The following CTNNA2 variants were observed in gnomAD, a reference collection of about 807,000 sequenced individuals.
CTNNA2 encodes the protein catenin alpha-2.
A neutral mutation model predicts 101.0 loss-of-function variants in CTNNA2; 42 were observed. The observed-to-expected ratio is 0.42, with a 90% confidence interval of 0.32 to 0.54. The LOEUF is 0.54. CTNNA2 is among the 20% of genes least tolerant of loss of function. CTNNA2 has a pLI of 0.14. For missense variants in CTNNA2, 871 were observed against 1,223.1 expected, an observed-to-expected ratio of 0.71 and a Z score of 4.29; for synonymous variants, 450 against 456.4, an observed-to-expected ratio of 0.99 and a Z score of 0.18.
At chr2:79,397,499 T>A (rs1678245698) in intron 4 of CTNNA2, among the ~76,000 whole-genome samples, 1 of 152,124 alleles carries the variant, frequency 6.6e-6, no homozygotes, top group Non-Finnish European at 1.5e-5. Flanking sequence ...TGGGCTTTGT[T>A]TTTAAATAAC....
At chr2:79,677,399 A>G (rs185000920) in intron 2 of CTNNA2, among the ~76,000 whole-genome samples, 26 of 151,892 alleles carry the variant, frequency 1.7e-4, no homozygotes, top group African/African-American at 5.8e-4. Flanking sequence ...TCTTCCCTCT[A>G]TTTTCTGCTA....
At chr2:80,006,677 T>C (rs2103992841) in intron 7 of CTNNA2, among the ~76,000 whole-genome samples, 1 of 152,250 alleles carries the variant, frequency 6.6e-6, no homozygotes, top group East Asian at 1.9e-4. Context: ...ACAGGAGAGT[T>C]TCCAGGATGG....
chr2:79,516,826 G>T (rs4852497), intron 1 of CTNNA2, among the ~76,000 whole-genome samples: 101,125 of 151,966 alleles, frequency 0.67, 33,785 homozygotes, highest in Non-Finnish European at 0.7. Flanking sequence ...ATGGTTACTA[G>T]AACTCTCCCT....
chr2:79,318,477 A>G (rs1676547925), intron 3 of CTNNA2, among the ~76,000 whole-genome samples: 1 of 152,208 alleles, frequency 6.6e-6, no homozygotes, highest in Admixed American at 6.5e-5. Context: ...ATTAAGAAAC[A>G]TTGATTGATG....
intron 15 of CTNNA2, among the ~76,000 whole-genome samples, chr2:80,593,113 G>A (rs1040145638): frequency 1.3e-5 from 2 of 152,070 alleles, no homozygotes; most frequent in Admixed American, 6.6e-5. Flanking sequence ...CTCCAGATGG[G>A]ACAATATGAT....
intron 12 of CTNNA2, 65 bp downstream of exon 12, chr2:80,555,958 A>C (rs1692995014): frequency 1.8e-6 from 2 of 1,134,434 alleles, no homozygotes; most frequent in African/African-American, 3.2e-5. Flanking sequence ...AACTGAATAA[A>C]TCTGTTTCAT....
intron 1 of CTNNA2, among the ~76,000 whole-genome samples, chr2:79,576,098 T>C (rs561877517): frequency 4.5e-4 from 68 of 152,324 alleles, no homozygotes; most frequent in African/African-American, 1.6e-3. Flanking sequence ...TTGGACTTTT[T>C]TCAAAAATCA....
intron 4 of CTNNA2, among the ~76,000 whole-genome samples, chr2:79,465,603 T>C (rs935364155): frequency 1.3e-5 from 2 of 152,174 alleles, no homozygotes; most frequent in South Asian, 4.1e-4. Flanking sequence ...ATTGATTCTT[T>C]CTATCCATGA....
intron 2 of CTNNA2, among the ~76,000 whole-genome samples, chr2:79,720,504 T>C (rs1686411712): frequency 6.6e-6 from 1 of 152,304 alleles, no homozygotes; most frequent in Admixed American, 6.5e-5. Flanking sequence ...TTAACAAAAT[T>C]AATTCTTCCA....
At chr2:80,020,071 G>A (rs967987897) in intron 7 of CTNNA2, among the ~76,000 whole-genome samples, 6 of 152,146 alleles carry the variant, frequency 3.9e-5, no homozygotes, top group Non-Finnish European at 5.9e-5. Context: ...TTAGCCAGGT[G>A]CACCATTATG....
chr2:80,061,576 G>T (rs1229560502), intron 7 of CTNNA2, among the ~76,000 whole-genome samples: 1 of 152,138 alleles, frequency 6.6e-6, no homozygotes, highest in Non-Finnish European at 1.5e-5. Flanking sequence ...AAAAACTTCA[G>T]CTTCCATGGT....
intron 2 of CTNNA2, among the ~76,000 whole-genome samples, chr2:79,241,190 T>C (rs1312250074): frequency 6.6e-6 from 1 of 152,198 alleles, no homozygotes; most frequent in Non-Finnish European, 1.5e-5. Context: ...ACTAACTAAA[T>C]AGCAGGATTT....
At chr2:80,357,107 T>A (rs1673886661) in intron 7 of CTNNA2, among the ~76,000 whole-genome samples, 1 of 152,086 alleles carries the variant, frequency 6.6e-6, no homozygotes, top group Non-Finnish European at 1.5e-5. Context: ...AAGAAAAAGG[T>A]CAGTGAATGG....
chr2:80,595,216 C>A (rs912240410), intron 15 of CTNNA2, among the ~76,000 whole-genome samples: 1 of 152,088 alleles, frequency 6.6e-6, no homozygotes, highest in Non-Finnish European at 1.5e-5. Flanking sequence ...CATGGTTAAG[C>A]TTATTCCTAA....
chr2:80,468,893 A>G (rs546408758), intron 9 of CTNNA2, among the ~76,000 whole-genome samples: 14 of 152,292 alleles, frequency 9.2e-5, no homozygotes, highest in African/African-American at 3.4e-4. Context: ...CAAGAAAAGT[A>G]CCTTATTTTT....
chr2:79,292,703 G>T (rs1181959857), intron 2 of CTNNA2, among the ~76,000 whole-genome samples: 2 of 152,182 alleles, frequency 1.3e-5, no homozygotes, highest in Admixed American at 1.3e-4. Flanking sequence ...ATAACGTTAT[G>T]AATTTGGGAT....
chr2:79,882,159 TTCTGCTGAGGAG>T (rs1683479590), intron 6 of CTNNA2, among the ~76,000 whole-genome samples: 2 of 151,862 alleles, frequency 1.3e-5, no homozygotes, highest in Non-Finnish European at 2.9e-5. Flanking sequence ...CTTGTAGAGT[TTCTGCTGAGGAG>T]TCTGCTGTTA....
chr2:80,148,385 T>TC (rs1353822717), intron 7 of CTNNA2, among the ~76,000 whole-genome samples: 1 of 152,142 alleles, frequency 6.6e-6, no homozygotes, highest in African/African-American at 2.4e-5. Context: ...GGCAATAGAA[T>TC]CCCAAAGAAT....
chr2:79,456,086 G>A (rs2104530995), intron 4 of CTNNA2, among the ~76,000 whole-genome samples: 1 of 151,268 alleles, frequency 6.6e-6, no homozygotes, highest in East Asian at 1.9e-4. Flanking sequence ...TTTTTTTGTG[G>A]TTGTGTTTTA....
Sources: gnomAD v4.1 joint callset for allele counts (sites outside exome capture counted in the v4.1 genomes callset) on GRCh38, gnomAD v4.1.1 for gene constraint, MANE v1.5 for transcripts, NCBI Gene and HGNC (gene_info 2026-07-23, HGNC 2026-07-21) for gene names.